Variants in NUP54 observed in about 807,000 individuals in gnomAD.
The protein encoded by NUP54 is nucleoporin 54.
Under a neutral mutation model 66.4 loss-of-function variants are expected in NUP54, and 27 were observed. That is an observed-to-expected ratio of 0.41 (90% CI 0.30 to 0.56). NUP54 has a LOEUF of 0.56. Among genes scored for constraint, NUP54 ranks in the 20% least tolerant of loss-of-function variants. NUP54 has a pLI of 0.34. For missense variants in NUP54, 486 were observed against 596.3 expected (o/e 0.82, Z 1.93); for synonymous variants, 206 against 210.7 (o/e 0.98, Z 0.19).
At chr4:76,144,519 T>C (rs772817898) in intron 1 of NUP54, 46 bp from the exon 2 acceptor site, 3 of 1,369,262 alleles carry the variant, frequency 2.2e-6, no homozygotes, top group Non-Finnish European at 3.0e-6. Flanking sequence ...CTTTTGTATA[T>C]ATAAAGGCAA....
chr4:76,124,813 A>G, intron 8 of NUP54, 57 bp from the exon 9 acceptor site: 1 of 679,696 alleles, frequency 1.5e-6, no homozygotes, highest in Non-Finnish European at 2.6e-6. Flanking sequence ...ACTATTTATC[A>G]GTTACACCTG....
rs116111677 is a variant in NUP54 at position 76,135,359 on chromosome 4, T to C, written c.522+827A>G. On this transcript the variant is annotated intron_variant, in intron 4 of 11. Transcript: ENST00000264883. ...TTAACTCAAGTGTACATTATGCATT[T>C]TACCATGTTATACACCAACTTTATT... Among the ~76,000 whole-genome samples the C allele has an allele frequency of 2.5e-3, 386 of 152,344 alleles. 2 individuals carry two copies. The highest frequency in any genetic ancestry group is 9.0e-3 in the African/African-American group (373 of 41,578).
intron 8 of NUP54, among the ~76,000 whole-genome samples, chr4:76,129,329 CA>C (rs139723472): frequency 1.2e-3 from 188 of 152,244 alleles, no homozygotes; most frequent in African/African-American, 4.4e-3. Flanking sequence ...TCCTATATAA[CA>C]ACAGCCCTTC....
chr4:76,117,627 T>A (rs569295613), intron 11 of NUP54, 37 bp downstream of exon 11: 1 of 1,295,120 alleles, frequency 7.7e-7, no homozygotes, highest in Admixed American at 1.7e-5. Context: ...AGTGGTGAGC[T>A]CACACTTTAA....
intron 1 of NUP54, 168 bp downstream of exon 1, chr4:76,148,140 C>G: frequency 2.1e-6 from 1 of 486,510 alleles, no homozygotes; most frequent in East Asian, 3.5e-5. Flanking sequence ...GTGGCCTCCT[C>G]GGGTGCCGCC....
At chr4:76,129,819 C>T (rs1360411613) in intron 8 of NUP54, among the ~76,000 whole-genome samples, 7 of 125,444 alleles carry the variant, frequency 5.6e-5, no homozygotes, top group Admixed American at 9.9e-5. Context: ...GAGCCTAGAT[C>T]GCGCCACTGT....
At chr4:76,120,031 G>T in intron 9 of NUP54, among the ~76,000 whole-genome samples, 1 of 152,018 alleles carries the variant, frequency 6.6e-6, no homozygotes, top group East Asian at 1.9e-4. Context: ...TTTAATGGCT[G>T]TATGCTTTTT....
chr4:76,129,882 A>C (rs1476027302), intron 8 of NUP54, among the ~76,000 whole-genome samples: 27 of 144,862 alleles, frequency 1.9e-4, no homozygotes, highest in Non-Finnish European at 3.1e-4. Context: ...AAAAAAAAAA[A>C]AAAAAACCTT....
intron 1 of NUP54, chr4:76,148,086 T>C: frequency 2.4e-6 from 1 of 419,150 alleles, no homozygotes; most frequent in South Asian, 8.7e-5. Flanking sequence ...CTGTGGAAAC[T>C]CACGCGCGGC....
chr4:76,135,170 T>C (rs1237908980), intron 4 of NUP54, among the ~76,000 whole-genome samples: 1 of 152,214 alleles, frequency 6.6e-6, no homozygotes, highest in African/African-American at 2.4e-5. Context: ...AGAATGTCTG[T>C]ATCACTTTAT....
intron 6 of NUP54, 49 bp downstream of exon 6, chr4:76,132,474 A>C: frequency 2.1e-6 from 3 of 1,407,418 alleles, no homozygotes; most frequent in Non-Finnish European, 1.9e-6. Flanking sequence ...GGGAGTGTTT[A>C]GTTCTAAATC....
At chr4:76,120,622 T>C (rs1342884691) in intron 9 of NUP54, among the ~76,000 whole-genome samples, 2 of 151,864 alleles carry the variant, frequency 1.3e-5, no homozygotes, top group South Asian at 2.1e-4. Context: ...AGAGTCGGGG[T>C]TTCACCATCT....
At chr4:76,130,467 A>G (rs1166373116) in intron 8 of NUP54, among the ~76,000 whole-genome samples, 189 bp downstream of exon 8, 1 of 152,198 alleles carries the variant, frequency 6.6e-6, no homozygotes, top group African/African-American at 2.4e-5. Context: ...TTATTATATC[A>G]AATCAGATTC....
intron 3 of NUP54, among the ~76,000 whole-genome samples, chr4:76,137,752 G>C (rs564288505): frequency 1.3e-5 from 2 of 152,118 alleles, no homozygotes; most frequent in Non-Finnish European, 2.9e-5. Context: ...ACAAAGCGAG[G>C]AGCAAGTCTA....
chr4:76,118,961 G>C (rs763264675), intron 9 of NUP54, among the ~76,000 whole-genome samples: 1 of 151,882 alleles, frequency 6.6e-6, no homozygotes, highest in Admixed American at 6.6e-5. Flanking sequence ...AGCCTAGATC[G>C]CGCCACTGCA....
Position 76,144,253 on chromosome 4 carries a change from C to T in NUP54, c.191G>A (p.Gly64Asp). 1.9e-6 allele frequency: 3 copies of T among 1,613,746 alleles called. No individual in the cohort carries two copies. Among genetic ancestry groups the T allele is most frequent in the Non-Finnish European group, 2.5e-6 (3 of 1,179,932 alleles). Residue 64 changes from glycine to aspartate, a missense_variant, in exon 3 of 12, where the codon GGT becomes GAT. Physicochemically the swap from Gly to Asp is moderately conservative, Grantham distance 94. This residue lies in a region of NUP54 where 145 missense variants were observed against 137.1 expected (regional missense o/e 1.06). Coordinates refer to ENST00000264883, the MANE Select transcript of NUP54 (RefSeq NM_017426.4). ...TCCCGTTGTTGTGCCAAAACCAGTA[C>T]CAAATCCAAAACCTTTGTTCTGAGT... ...GGTQNKGFGF[G>D]TGFGTTTGTS...
rs1425025731 is a variant in NUP54, at chr4:76,118,239, T to C, written c.1165-45A>G. The stretch of plus-strand genomic sequence containing the variant: ...CAATAACAACAGAATCATCTCTTTT[T>C]AGTTATGCAAGTAGTAGTAGTACAA... On this transcript the variant is annotated intron_variant, in intron 9 of 11. Coordinates refer to ENST00000264883, the MANE Select transcript of NUP54 (RefSeq NM_017426.4). The C allele has an allele frequency of 1.9e-6, 3 of 1,573,868 alleles. No homozygotes were observed. In the South Asian group the frequency reaches 3.3e-5, roughly 18 times the overall value.
Position 76,124,672 on chromosome 4 carries a change from C to G in NUP54, c.1141G>C (p.Asp381His). 6.3e-7 allele frequency: 1 copy of G among 1,592,750 alleles called. No homozygotes were observed. The highest frequency in any genetic ancestry group is 8.6e-7 in the Non-Finnish European group (1 of 1,164,280). Residue 381 changes from aspartate (D) to histidine (H), a missense_variant, in exon 9 of 12, where the codon GAT becomes CAT. Transcript: ENST00000264883. ...ACCTGTAAAGTTCTATGGGAAAGATCCATGAGTTTCCTCTTGTATTGTGCA... is the reference window on the plus strand; with the variant it reads ...ACCTGTAAAGTTCTATGGGAAAGATGCATGAGTTTCCTCTTGTATTGTGCA... ...KIAQYKRKLM[D>H]LSHRTLQVLI...
At chr4:76,129,977 T>G (rs1369110392) in intron 8 of NUP54, among the ~76,000 whole-genome samples, 2 of 42,564 alleles carry the variant, frequency 4.7e-5, no homozygotes, top group Non-Finnish European at 1.1e-4. Context: ...TTTTTTTTTT[T>G]TTTTTTTTTT....
Sources: gnomAD v4.1 joint callset for allele counts (sites outside exome capture counted in the v4.1 genomes callset) on GRCh38, gnomAD v4.1.1 for gene constraint, gnomAD v4.1.1 regional missense constraint, MANE v1.5 for transcripts, NCBI Gene and HGNC (gene_info 2026-07-23, HGNC 2026-07-21) for gene names.